The following CNTNAP2 variants were observed in gnomAD, a reference collection of about 807,000 sequenced individuals.
CNTNAP2 encodes contactin associated protein 2.
In CNTNAP2, 98 loss-of-function variants were observed where a neutral mutation model predicts 155.2. That is an observed-to-expected ratio of 0.63 (90% CI 0.54 to 0.75). The LOEUF (loss-of-function observed/expected upper bound fraction) is 0.75, where lower values mean the gene tolerates loss of function less well. CNTNAP2 is among the 30% of genes least tolerant of loss of function. The pLI is 0.00. For synonymous variants in CNTNAP2, 651 were observed against 631.2 expected (o/e 1.03, Z -0.47); for missense variants, 1,727 against 1,688.1 (o/e 1.02, Z -0.40).
intron 4 of CNTNAP2, among the ~76,000 whole-genome samples, chr7:147,057,599 C>A (rs1431961128): frequency 6.6e-6 from 1 of 152,120 alleles, no homozygotes; most frequent in East Asian, 1.9e-4. Flanking sequence ...CTGGCTTCTA[C>A]CCATTCAATA....
At chr7:147,482,329 G>T (rs2116630383) in intron 10 of CNTNAP2, among the ~76,000 whole-genome samples, 1 of 152,142 alleles carries the variant, frequency 6.6e-6, no homozygotes, top group Non-Finnish European at 1.5e-5. Flanking sequence ...GATAGGGTTT[G>T]CAATTATATT....
chr7:146,507,174 C>A lies in CNTNAP2; in HGVS notation c.98-267097C>A, dbSNP rs79984722. On this transcript the variant is annotated intron_variant, in intron 1 of 23. Transcript: ENST00000361727. The stretch of plus-strand genomic sequence containing the variant: ...AGTTGTCCACACAATGACTGTAGCC[C>A]TTCCTGTCACACTCTCACAAGCCTG... Among the ~76,000 whole-genome samples the A allele has an allele frequency of 2.7e-3, 408 of 152,288 alleles. 1 individual carries two copies. Among genetic ancestry groups the A allele is most frequent in the Non-Finnish European group, 4.2e-3 (288 of 68,024 alleles).
intron 3 of CNTNAP2, among the ~76,000 whole-genome samples, chr7:146,976,133 A>C (rs966115726): frequency 6.6e-6 from 1 of 152,236 alleles, no homozygotes; most frequent in African/African-American, 2.4e-5. Context: ...GTGGTGAGTT[A>C]ACCTAAAAAT....
At chr7:147,515,156 A>G (rs1207797302) in intron 11 of CNTNAP2, among the ~76,000 whole-genome samples, 1 of 151,966 alleles carries the variant, frequency 6.6e-6, no homozygotes, top group African/African-American at 2.4e-5. Flanking sequence ...CTGTTCTTCC[A>G]ACTTACCTAC....
chr7:147,131,293 AAGAG>A (rs1801353289), intron 7 of CNTNAP2, among the ~76,000 whole-genome samples: 1 of 151,502 alleles, frequency 6.6e-6, no homozygotes, highest in South Asian at 2.1e-4. Flanking sequence ...TATAGAGAAA[AAGAG>A]AGACAGACAT....
At chr7:148,159,209 G>A (rs1283201091) in intron 17 of CNTNAP2, among the ~76,000 whole-genome samples, 2 of 152,086 alleles carry the variant, frequency 1.3e-5, no homozygotes, top group South Asian at 2.1e-4. Flanking sequence ...TCCTGACAAT[G>A]TTCCTCTTTC....
chr7:146,299,023 C>A lies in CNTNAP2; in HGVS notation c.97+182050C>A, dbSNP rs188978158. 1.7e-4 allele frequency among the ~76,000 whole-genome samples: 26 copies of A among 152,172 alleles called. No homozygotes were observed. The East Asian group carries it at 3.9e-3, about 23-fold the overall frequency. On this transcript the variant is annotated intron_variant, in intron 1 of 23. Transcript: ENST00000361727. ...GGTGTGGTGGATCACGCCTGTTATC[C>A]CAGCACTTTGGGACACCCAGGTGGG...
chr7:147,492,623 T>G (rs555372111), intron 11 of CNTNAP2, among the ~76,000 whole-genome samples: 1 of 152,294 alleles, frequency 6.6e-6, no homozygotes, highest in South Asian at 2.1e-4. Flanking sequence ...ATCAGATCCT[T>G]AGGCTATGTG....
At chr7:147,591,941 T>C (rs1485229905) in intron 12 of CNTNAP2, among the ~76,000 whole-genome samples, 2 of 152,226 alleles carry the variant, frequency 1.3e-5, no homozygotes, top group Non-Finnish European at 2.9e-5. Context: ...AAGTGACAGA[T>C]TAATATATTC....
intron 1 of CNTNAP2, among the ~76,000 whole-genome samples, chr7:146,389,696 C>CTTTTTTT (rs1408040421): frequency 2.1e-5 from 3 of 140,822 alleles, no homozygotes; most frequent in African/African-American, 8.0e-5. Context: ...TTTTTCTTTT[C>CTTTTTTT]TTTTTTCTTT....
intron 9 of CNTNAP2, among the ~76,000 whole-genome samples, chr7:147,343,371 G>A (rs1795795970): frequency 6.6e-6 from 1 of 152,010 alleles, no homozygotes; most frequent in Non-Finnish European, 1.5e-5. Flanking sequence ...GAGTGAAATT[G>A]GCCATTTCCC....
At chr7:147,289,495 G>A (rs1052457734) in intron 8 of CNTNAP2, among the ~76,000 whole-genome samples, 2 of 151,984 alleles carry the variant, frequency 1.3e-5, no homozygotes, top group African/African-American at 2.4e-5. Flanking sequence ...AGAAAGAAAG[G>A]AAAGAAGGAA....
At chr7:147,353,282 A>G (rs59378039) in intron 9 of CNTNAP2, among the ~76,000 whole-genome samples, 2,059 of 151,796 alleles carry the variant, frequency 0.014, 42 homozygotes, top group African/African-American at 0.047. Flanking sequence ...ATTTCTCCCA[A>G]TGTTATCCCT....
At chr7:147,494,973 C>T (rs1798677457) in intron 11 of CNTNAP2, among the ~76,000 whole-genome samples, 1 of 152,100 alleles carries the variant, frequency 6.6e-6, no homozygotes, top group Admixed American at 6.5e-5. Flanking sequence ...ACAGTTTCAA[C>T]TCATTCAACA....
At chr7:146,572,733 G>A (rs1264312895) in intron 1 of CNTNAP2, among the ~76,000 whole-genome samples, 1 of 151,794 alleles carries the variant, frequency 6.6e-6, no homozygotes, top group Non-Finnish European at 1.5e-5. Context: ...TAAAAAAGTA[G>A]ATAAAGGATG....
At position 147,557,861 on chromosome 7, in the gene CNTNAP2, T is replaced by C. The variant is rs559786523; in HGVS notation, c.1778-4277T>C. The stretch of plus-strand genomic sequence containing the variant: ...TTTCATAGCAAAGCCGCAATTACTT[T>C]TGCACCAACTTAATACCTCAATTTT... On this transcript the variant is annotated intron_variant, in intron 11 of 23. Coordinates refer to ENST00000361727, the MANE Select transcript of CNTNAP2 (RefSeq NM_014141.6). Among the ~76,000 whole-genome samples, 21 of 152,286 alleles carry C rather than the reference T, an allele frequency of 1.4e-4. No homozygotes were observed. The South Asian group carries it at 4.1e-3, about 30-fold the overall frequency.
chr7:148,337,080 C>T (rs1798129240), intron 21 of CNTNAP2, among the ~76,000 whole-genome samples: 2 of 152,140 alleles, frequency 1.3e-5, no homozygotes, highest in Admixed American at 6.5e-5. Context: ...AAATATTTAT[C>T]GATTGGCCAC....
intron 4 of CNTNAP2, among the ~76,000 whole-genome samples, chr7:147,078,240 C>A (rs1257294914): frequency 6.6e-6 from 1 of 152,186 alleles, no homozygotes; most frequent in Admixed American, 6.6e-5. Flanking sequence ...ACTTTATCTG[C>A]GAAATCACTG....
chr7:148,252,229 T>G (rs1796375432), intron 20 of CNTNAP2, among the ~76,000 whole-genome samples: 1 of 152,194 alleles, frequency 6.6e-6, no homozygotes, highest in Non-Finnish European at 1.5e-5. Context: ...AATACATTCT[T>G]TCTCTCAAGA....
Sources: gnomAD v4.1 joint callset for allele counts (sites outside exome capture counted in the v4.1 genomes callset) on GRCh38, gnomAD v4.1.1 for gene constraint, MANE v1.5 for transcripts, NCBI Gene and HGNC (gene_info 2026-07-23, HGNC 2026-07-21) for gene names.